Variants in FAM13A observed in about 807,000 individuals in gnomAD.
FAM13A encodes the protein family with sequence similarity 13 member A.
In FAM13A, 76 loss-of-function variants were observed where a neutral mutation model predicts 129.6. The ratio of observed to expected loss-of-function variants is 0.59; its 90% confidence interval spans 0.49 to 0.71. The LOEUF is 0.71. Ranked by LOEUF, FAM13A falls within the 30% of genes least tolerant of loss-of-function variation. The pLI, the probability that FAM13A is intolerant of heterozygous loss-of-function variation, is 0.00. For synonymous variants in FAM13A, 443 were observed against 449.9 expected (o/e 0.98, Z 0.20); for missense variants, 1,108 against 1,249.3 (o/e 0.89, Z 1.70).
At position 88,725,963 on chromosome 4, in the gene FAM13A, T is replaced by TAAG. The variant is rs1553949656; in HGVS notation, c.*2567_*2569dup. ...ACAATAAAAGTACTTATGAAAATTA[T>TAAG]AAGTCTGCACTCTTTAATTCTTAAG... On this transcript the variant is annotated 3_prime_UTR_variant, in exon 24 of 24. Coordinates refer to ENST00000264344, the MANE Select transcript of FAM13A (RefSeq NM_014883.4). The TAAG allele has an allele frequency of 6.7e-6, 1 of 148,572 alleles. No individual in the cohort carries two copies. The highest frequency in any genetic ancestry group is 1.5e-5 in the Non-Finnish European group (1 of 67,182). 9.2% of individuals were successfully genotyped at this position (148,572 alleles called of 1,614,324 possible). A position where few individuals can be genotyped will look rare whatever the true frequency, so the allele number is the denominator to read the frequency against.
intron 6 of FAM13A, among the ~76,000 whole-genome samples, chr4:88,870,121 T>G (rs1380024333): frequency 1.4e-5 from 2 of 146,910 alleles, no homozygotes; most frequent in African/African-American, 5.0e-5. Context: ...ATTTCTGTTG[T>G]AAAAAAAAAA....
chr4:88,814,944 G>C (rs993299385), intron 7 of FAM13A, among the ~76,000 whole-genome samples: 1 of 151,994 alleles, frequency 6.6e-6, no homozygotes, highest in African/African-American at 2.4e-5. Flanking sequence ...TCCTGGGCTA[G>C]AGTGACCCTC....
intron 19 of FAM13A, among the ~76,000 whole-genome samples, chr4:88,746,284 G>A (rs1228071446): frequency 6.6e-6 from 1 of 152,198 alleles, no homozygotes; most frequent in African/African-American, 2.4e-5. Context: ...AAGTTCTTCA[G>A]GGAAGAGAGC....
intron 6 of FAM13A, 110 bp from the exon 7 acceptor site, chr4:88,851,293 T>C: frequency 2.2e-6 from 2 of 904,938 alleles, no homozygotes; most frequent in Non-Finnish European, 3.2e-6. Context: ...TAATCCAATT[T>C]ATAACACCCC....
At chr4:89,005,262 C>T (rs918831835) in intron 3 of FAM13A, among the ~76,000 whole-genome samples, 3 of 152,158 alleles carry the variant, frequency 2.0e-5, no homozygotes, top group Admixed American at 2.0e-4. Context: ...TTTTTTATGG[C>T]TGCATAATAT....
chr4:88,897,852 C>T (rs775074269), intron 6 of FAM13A, among the ~76,000 whole-genome samples: 7 of 152,128 alleles, frequency 4.6e-5, no homozygotes, highest in Non-Finnish European at 1.0e-4. Flanking sequence ...AGTTCACAAG[C>T]TCTGCCTCAT....
chr4:89,017,680 CATT>C (rs1375568431), intron 3 of FAM13A, among the ~76,000 whole-genome samples: 1 of 152,120 alleles, frequency 6.6e-6, no homozygotes, highest in Non-Finnish European at 1.5e-5. Context: ...CTCCTGTAGA[CATT>C]ATTTTACAAT....
At chr4:88,989,087 A>G (rs185070904) in intron 4 of FAM13A, among the ~76,000 whole-genome samples, 7 of 151,548 alleles carry the variant, frequency 4.6e-5, no homozygotes, top group Non-Finnish European at 8.8e-5. Context: ...GGGCGCCTAT[A>G]ATCCCAGCTA....
At chr4:88,976,007 T>C (rs1263612577) in intron 4 of FAM13A, among the ~76,000 whole-genome samples, 1 of 152,236 alleles carries the variant, frequency 6.6e-6, no homozygotes, top group Non-Finnish European at 1.5e-5. Context: ...CCTTAGGTCA[T>C]CCTTTGTTAA....
At chr4:88,927,138 G>A (rs910190550) in intron 5 of FAM13A, among the ~76,000 whole-genome samples, 2 of 151,644 alleles carry the variant, frequency 1.3e-5, no homozygotes, top group Non-Finnish European at 1.5e-5. Context: ...TTTTTCCACC[G>A]GTGTTTTTTA....
At chr4:89,016,599 T>A (rs192150096) in intron 3 of FAM13A, among the ~76,000 whole-genome samples, 140 of 152,252 alleles carry the variant, frequency 9.2e-4, no homozygotes, top group Non-Finnish European at 1.6e-3. Flanking sequence ...AACAATCTTT[T>A]ATACTATATT....
Position 88,862,095 on chromosome 4 carries a change from A to G in FAM13A, c.844-10912T>C, listed in dbSNP as rs2150036466. ...CTAAGGATACAAGAGAGACTAAATT[A>G]GACTTATTTCTGCACTCTAGAGCTT... On this transcript the variant is annotated intron_variant, in intron 6 of 23. Transcript: ENST00000264344. Among the ~76,000 whole-genome samples, 3 of 152,344 alleles carry G rather than the reference A, an allele frequency of 2.0e-5. No individual in the cohort carries two copies. In the South Asian group the frequency reaches 6.2e-4, roughly 32 times the overall value.
intron 1 of FAM13A, among the ~76,000 whole-genome samples, chr4:89,054,282 CACAAAGATACACACAG>C (rs1485887546): frequency 9.2e-6 from 1 of 108,996 alleles, no homozygotes; most frequent in East Asian, 2.3e-4. Flanking sequence ...CATACAGACA[CACAAAGATACACACAG>C]ACACACACAC....
rs1739610254 is a variant in FAM13A, at chr4:88,739,041, T to C, written c.2551A>G (p.Ile851Val). The C allele has an allele frequency of 6.2e-7, 1 of 1,610,632 alleles. No homozygotes were observed. The highest frequency in any genetic ancestry group is 1.3e-5 in the African/African-American group (1 of 74,808). The change falls in exon 20 of 24, where the codon ATA becomes GTA. Residue 851 changes from isoleucine to valine, a missense_variant. Transcript: ENST00000264344. ...VKQILSRANT[I>V]PIIGSPSSKR... ...GGTATTCTACTCACAATGATGGGTATGGTGTTAGCTCGGGAGAGGATCTGT... is the reference window on the plus strand; with the variant it reads ...GGTATTCTACTCACAATGATGGGTACGGTGTTAGCTCGGGAGAGGATCTGT...
At chr4:88,919,878 G>A (rs1406047233) in intron 5 of FAM13A, among the ~76,000 whole-genome samples, 1 of 152,240 alleles carries the variant, frequency 6.6e-6, no homozygotes, top group Non-Finnish European at 1.5e-5. Context: ...CTTAAAAAAT[G>A]GCGCACCAGG....
chr4:88,814,886 C>T (rs1730408928), intron 7 of FAM13A, among the ~76,000 whole-genome samples: 1 of 151,860 alleles, frequency 6.6e-6, no homozygotes, highest in Non-Finnish European at 1.5e-5. Context: ...AATCTGTCAT[C>T]TAGGCTGGAG....
At chr4:88,815,241 C>A (rs12163807) in intron 7 of FAM13A, among the ~76,000 whole-genome samples, 4 of 151,854 alleles carry the variant, frequency 2.6e-5, no homozygotes, top group East Asian at 1.9e-4. Context: ...ACCACCCCCC[C>A]ACCTCATTAT....
intron 1 of FAM13A, among the ~76,000 whole-genome samples, chr4:89,037,610 G>A (rs1165459918): frequency 1.3e-5 from 2 of 152,188 alleles, no homozygotes; most frequent in South Asian, 2.1e-4. Context: ...ATTTTGCAAT[G>A]TTAGAAGGAC....
At chr4:88,961,014 C>A (rs1758528270) in intron 4 of FAM13A, among the ~76,000 whole-genome samples, 1 of 152,140 alleles carries the variant, frequency 6.6e-6, no homozygotes, top group African/African-American at 2.4e-5. Context: ...GAGGTGCCCT[C>A]TTACAGTTTT....
Sources: allele counts gnomAD v4.1 joint callset (sites outside exome capture counted in the v4.1 genomes callset), GRCh38; gene constraint gnomAD v4.1.1; transcripts MANE v1.5; gene names NCBI Gene and HGNC (gene_info 2026-07-23, HGNC 2026-07-21).